Variants in HSD17B12 observed in about 807,000 individuals in gnomAD.
HSD17B12 encodes very-long-chain 3-oxoacyl-CoA reductase.
Under a neutral mutation model 39.3 loss-of-function variants are expected in HSD17B12, and 32 were observed. The observed-to-expected ratio is 0.81, with a 90% CI of 0.61 to 1.09. HSD17B12 has a LOEUF of 1.09. HSD17B12 is among the 50% of genes least tolerant of loss of function. The pLI, the probability that HSD17B12 is intolerant of heterozygous loss-of-function variation, is 0.00. For missense variants in HSD17B12, 342 were observed against 382.9 expected (o/e 0.89, Z 0.89); for synonymous variants, 150 against 146.7 (o/e 1.02, Z -0.16).
intron 4 of HSD17B12, among the ~76,000 whole-genome samples, chr11:43,799,502 G>A (rs1160766990): frequency 6.6e-6 from 1 of 151,916 alleles, no homozygotes; most frequent in African/African-American, 2.4e-5. Context: ...TCAGAAAATT[G>A]TATAGGAAAA....
chr11:43,624,394 A>G, the HSD17B12 span, among the ~76,000 whole-genome samples: 3 of 151,994 alleles, frequency 2.0e-5, no homozygotes, highest in African/African-American at 4.8e-5. Flanking sequence ...CTAACTTTCT[A>G]AGTACCTTTC....
the HSD17B12 span, chr11:43,670,506 G>T: frequency 6.6e-6 from 1 of 152,142 alleles, no homozygotes; most frequent in Non-Finnish European, 1.5e-5. Flanking sequence ...CTTGAGTTAG[G>T]TGGTGAGTTT....
upstream of HSD17B12, chr11:43,680,736 G>C (rs1949734013): frequency 2.6e-6 from 3 of 1,163,556 alleles, no homozygotes; most frequent in Non-Finnish European, 1.3e-6. Context: ...GCGCCTATTA[G>C]TGTCATCCTC....
At chr11:43,620,024 G>T in the HSD17B12 span, among the ~76,000 whole-genome samples, 1 of 152,140 alleles carries the variant, frequency 6.6e-6, no homozygotes, top group Admixed American at 6.5e-5. Context: ...TCAGTATAAA[G>T]GTAGTTAGAA....
chr11:43,576,037 G>C, the HSD17B12 span, among the ~76,000 whole-genome samples: 566 of 152,240 alleles, frequency 3.7e-3, 4 homozygotes, highest in African/African-American at 0.013. Flanking sequence ...AGCTCCTCTG[G>C]GGAAGGGGCT....
chr11:43,783,867 A>G (rs533775652), intron 3 of HSD17B12, among the ~76,000 whole-genome samples: 1 of 152,340 alleles, frequency 6.6e-6, no homozygotes, highest in South Asian at 2.1e-4. Flanking sequence ...TAATAACAGT[A>G]AACCCTTTAC....
At chr11:43,705,517 G>T (rs2134820488) in intron 1 of HSD17B12, among the ~76,000 whole-genome samples, 1 of 152,248 alleles carries the variant, frequency 6.6e-6, no homozygotes, top group South Asian at 2.1e-4. Context: ...AAGTGAGGCT[G>T]AGTGGGTACA....
the HSD17B12 span, among the ~76,000 whole-genome samples, chr11:43,638,629 A>G: frequency 6.6e-6 from 1 of 152,214 alleles, no homozygotes; most frequent in Admixed American, 6.5e-5. Context: ...CAGCAAAGGA[A>G]GGATCTATTT....
chr11:43,741,258 A>G lies in HSD17B12; in HGVS notation c.161-9653A>G, dbSNP rs1050037699. ...TAATTGAAACTGATGGTCCTTTATA[A>G]GAAGCAATTAAACAGTAATCAAGTA... On this transcript the variant is annotated intron_variant, in intron 1 of 10. Transcript: ENST00000278353. 2.0e-5 allele frequency among the ~76,000 whole-genome samples: 3 copies of G among 152,210 alleles called. No individual in the cohort carries two copies. The East Asian group carries it at 5.8e-4, about 29-fold the overall frequency.
chr11:43,775,509 T>C (rs926513049), intron 3 of HSD17B12, among the ~76,000 whole-genome samples: 6 of 152,136 alleles, frequency 3.9e-5, no homozygotes, highest in African/African-American at 1.4e-4. Flanking sequence ...TTCAACTCTT[T>C]TGTGAACACA....
intron 1 of HSD17B12, among the ~76,000 whole-genome samples, chr11:43,711,422 G>A (rs1004931910): frequency 6.6e-5 from 10 of 151,432 alleles, no homozygotes; most frequent in African/African-American, 2.4e-4. Context: ...ATTTTTAGCA[G>A]GTAGAGTACT....
chr11:43,574,034 G>T, the HSD17B12 span, among the ~76,000 whole-genome samples: 1 of 152,196 alleles, frequency 6.6e-6, no homozygotes, highest in African/African-American at 2.4e-5. Flanking sequence ...TCACATGCAT[G>T]CATGTATGCA....
chr11:43,729,696 A>T (rs556455198), intron 1 of HSD17B12, among the ~76,000 whole-genome samples: 1 of 152,342 alleles, frequency 6.6e-6, no homozygotes. Context: ...GCTCACAGTC[A>T]TGCTGTACCT....
At chr11:43,573,077 A>G in the HSD17B12 span, among the ~76,000 whole-genome samples, 4 of 152,302 alleles carry the variant, frequency 2.6e-5, no homozygotes, top group African/African-American at 9.6e-5. Flanking sequence ...CTACTCCCAC[A>G]AGCCCTCTGG....
chr11:43,819,961 G>T (rs1247336100), intron 6 of HSD17B12, among the ~76,000 whole-genome samples: 1 of 152,128 alleles, frequency 6.6e-6, no homozygotes, highest in African/African-American at 2.4e-5. Context: ...CTCTCAACAT[G>T]TGGAATCAAT....
At chr11:43,780,216 A>ACTCTT (rs1950751032) in intron 3 of HSD17B12, among the ~76,000 whole-genome samples, 1 of 151,968 alleles carries the variant, frequency 6.6e-6, no homozygotes, top group Non-Finnish European at 1.5e-5. Flanking sequence ...CCCAGGCTAG[A>ACTCTT]GTGCAATGGC....
intron 1 of HSD17B12, among the ~76,000 whole-genome samples, chr11:43,710,854 G>A (rs1432120156): frequency 2.0e-5 from 3 of 151,946 alleles, no homozygotes; most frequent in Non-Finnish European, 2.9e-5. Flanking sequence ...ACAGTGGCAC[G>A]ATCTCAGCTC....
chr11:43,798,546 T>C lies in HSD17B12; in HGVS notation c.391+119T>C, dbSNP rs1033213547. 38 of 607,368 alleles carry C rather than the reference T, an allele frequency of 6.3e-5. No individual in the cohort carries two copies. The African/African-American group carries it at 6.5e-4, about 10-fold the overall frequency. The allele number at this position is 607,368 out of a possible 1,614,324, so 37.6% of individuals were successfully genotyped here. ...ATTGTCTTATGATTACGTAAGACAT[T>C]ATCAGTGAATAATATCACTAGGTGA... On this transcript the variant is annotated intron_variant, in intron 4 of 10. Coordinates refer to ENST00000278353, the MANE Select transcript of HSD17B12 (RefSeq NM_016142.3).
At chr11:43,750,773 T>C (rs1043787848) in intron 1 of HSD17B12, 138 bp from the exon 2 acceptor site, 1 of 505,828 alleles carries the variant, frequency 2.0e-6, no homozygotes, top group Non-Finnish European at 3.5e-6. Flanking sequence ...CAACCTTAGA[T>C]TTGAACCGCT....
Sources: gnomAD v4.1 joint callset for allele counts (sites outside exome capture counted in the v4.1 genomes callset) on GRCh38, gnomAD v4.1.1 for gene constraint, MANE v1.5 for transcripts, NCBI Gene and HGNC (gene_info 2026-07-23, HGNC 2026-07-21) for gene names.